KCNIP1: variants seen among roughly 807,000 people sequenced by gnomAD.
KCNIP1 encodes the protein A-type potassium channel modulatory protein KCNIP1.
In KCNIP1, 18 loss-of-function variants were observed where a neutral mutation model predicts 33.0. The ratio of observed to expected loss-of-function variants is 0.55; its 90% CI spans 0.38 to 0.81. KCNIP1 has a LOEUF of 0.81. Ranked by LOEUF, KCNIP1 falls within the 30% of genes least tolerant of loss-of-function variation. The pLI is 0.00. For synonymous variants in KCNIP1, 93 were observed against 98.3 expected, an observed-to-expected ratio of 0.95 and a Z score of 0.32; for missense variants, 238 against 271.6, an observed-to-expected ratio of 0.88 and a Z score of 0.87.
At chr5:170,685,671 T>C (rs1423606273) in intron 1 of KCNIP1, among the ~76,000 whole-genome samples, 1 of 152,032 alleles carries the variant, frequency 6.6e-6, no homozygotes, top group Admixed American at 6.6e-5. Context: ...GTATTTTTAG[T>C]TGAGACATGG....
chr5:170,695,809 A>G (rs1762870331), intron 1 of KCNIP1, among the ~76,000 whole-genome samples: 1 of 152,176 alleles, frequency 6.6e-6, no homozygotes. Flanking sequence ...TCATGAGGTC[A>G]GGAGATCGAG....
intron 1 of KCNIP1, among the ~76,000 whole-genome samples, chr5:170,371,824 T>C (rs1324443132): frequency 6.6e-6 from 1 of 152,200 alleles, no homozygotes; most frequent in African/African-American, 2.4e-5. Context: ...CAAAGAGGTG[T>C]TGCTGCAGGT....
intron 1 of KCNIP1, among the ~76,000 whole-genome samples, chr5:170,614,053 A>G (rs910967689): frequency 3.9e-5 from 6 of 152,204 alleles, no homozygotes; most frequent in Admixed American, 2.0e-4. Flanking sequence ...CCCTGGAAAC[A>G]CAATTGTTGA....
At chr5:170,494,971 T>A (rs1166809929) in intron 1 of KCNIP1, among the ~76,000 whole-genome samples, 4 of 152,212 alleles carry the variant, frequency 2.6e-5, no homozygotes, top group Non-Finnish European at 5.9e-5. Context: ...ACAGTGGCAT[T>A]GTGAGGATCA....
At chr5:170,705,066 T>G (rs1763213291) in intron 1 of KCNIP1, among the ~76,000 whole-genome samples, 1 of 152,256 alleles carries the variant, frequency 6.6e-6, no homozygotes. Flanking sequence ...GATTTGCTTC[T>G]AAATGAGACA....
intron 1 of KCNIP1, among the ~76,000 whole-genome samples, chr5:170,456,894 A>AT (rs1484396639): frequency 6.6e-6 from 1 of 151,818 alleles, no homozygotes; most frequent in African/African-American, 2.4e-5. Flanking sequence ...AATGTTTTCA[A>AT]TTTTTTGTAG....
Position 170,666,962 on chromosome 5 carries a change from C to T in KCNIP1, c.62-51796C>T, listed in dbSNP as rs377193586. Among the ~76,000 whole-genome samples, 78 of 152,314 alleles carry T rather than the reference C, an allele frequency of 5.1e-4. No homozygotes were observed. The East Asian group carries it at 6.6e-3, about 13-fold the overall frequency. On this transcript the variant is annotated intron_variant, in intron 1 of 7. Transcript: ENST00000328939. Reference sequence around the variant, plus strand: ...TTTCCTCTTCTTTACGAAGTAAATGCGATAATATATACAAAGTGCTCAGAG... The same window carrying T: ...TTTCCTCTTCTTTACGAAGTAAATGTGATAATATATACAAAGTGCTCAGAG...
intron 1 of KCNIP1, among the ~76,000 whole-genome samples, chr5:170,675,193 G>A (rs567657219): frequency 7.9e-5 from 12 of 152,060 alleles, no homozygotes; most frequent in African/African-American, 4.8e-5. Flanking sequence ...CAGCTACTTG[G>A]GAGGCTAAGG....
At chr5:170,714,667 T>A (rs775177700) in intron 1 of KCNIP1, among the ~76,000 whole-genome samples, 3 of 152,132 alleles carry the variant, frequency 2.0e-5, no homozygotes, top group Non-Finnish European at 4.4e-5. Context: ...TGTCTTCATT[T>A]GTAATTTTAA....
At chr5:170,413,216 G>A (rs976829203) in intron 1 of KCNIP1, among the ~76,000 whole-genome samples, 10 of 152,174 alleles carry the variant, frequency 6.6e-5, no homozygotes, top group African/African-American at 1.2e-4. Context: ...CCTGCATTGC[G>A]GAGGACTGCG....
chr5:170,639,998 C>A (rs910519813), intron 1 of KCNIP1, among the ~76,000 whole-genome samples: 1 of 152,240 alleles, frequency 6.6e-6, no homozygotes, highest in Non-Finnish European at 1.5e-5. Flanking sequence ...CAATATCACC[C>A]CATGGCTGCC....
At chr5:170,641,924 C>G (rs1339002738) in intron 1 of KCNIP1, 1 of 152,278 alleles carries the variant, frequency 6.6e-6, no homozygotes, top group African/African-American at 2.4e-5. Context: ...TCGGCCATTT[C>G]CAAACTCACG....
chr5:170,416,708 GAA>G (rs34825274), intron 1 of KCNIP1, among the ~76,000 whole-genome samples: 3 of 149,090 alleles, frequency 2.0e-5, no homozygotes, highest in African/African-American at 4.9e-5. Flanking sequence ...TTCCTGCCTA[GAA>G]AAAAAAAAAG....
chr5:170,374,611 T>C (rs143731690), intron 1 of KCNIP1: 66 of 152,306 alleles, frequency 4.3e-4, no homozygotes, highest in African/African-American at 1.4e-3. Context: ...GGTGCACCTC[T>C]CCAGGTATGA....
At chr5:170,604,201 C>T (rs1758807484) in intron 1 of KCNIP1, among the ~76,000 whole-genome samples, 1 of 152,056 alleles carries the variant, frequency 6.6e-6, no homozygotes, top group Admixed American at 6.6e-5. Flanking sequence ...AGGGAGGGTT[C>T]CATTCTAGGG....
chr5:170,455,980 A>G (rs1756361285), intron 1 of KCNIP1, among the ~76,000 whole-genome samples: 1 of 152,222 alleles, frequency 6.6e-6, no homozygotes, highest in South Asian at 2.1e-4. Flanking sequence ...AAGGATTATA[A>G]ATCATTCTAC....
exon 1 of KCNIP1, chr5:170,353,695 C>T: frequency 1.6e-6 from 1 of 617,816 alleles, no homozygotes; most frequent in Non-Finnish European, 2.9e-6. Context: ...CCTGCAGGCT[C>T]TCTGGATGCA....
chr5:170,673,170 G>A (rs982682827), intron 1 of KCNIP1, among the ~76,000 whole-genome samples: 8 of 152,172 alleles, frequency 5.3e-5, no homozygotes, highest in Non-Finnish European at 1.0e-4. Flanking sequence ...TGCTGTCCCC[G>A]CCCAACCCCG....
At chr5:170,405,521 G>A (rs1369174206) in intron 1 of KCNIP1, among the ~76,000 whole-genome samples, 1 of 152,182 alleles carries the variant, frequency 6.6e-6, no homozygotes, top group Non-Finnish European at 1.5e-5. Flanking sequence ...GGGATTCTCA[G>A]CAGCAGCCTG....
Sources: gnomAD v4.1 joint callset for allele counts (sites outside exome capture counted in the v4.1 genomes callset) on GRCh38, gnomAD v4.1.1 for gene constraint, MANE v1.5 for transcripts, NCBI Gene and HGNC (gene_info 2026-07-23, HGNC 2026-07-21) for gene names.